SLIT2: variants seen among roughly 807,000 people sequenced by gnomAD.
SLIT2 encodes slit homolog 2 protein.
A neutral mutation model predicts 185.7 loss-of-function variants in SLIT2; 41 were observed. The ratio of observed to expected loss-of-function variants is 0.22; its 90% CI spans 0.17 to 0.29. The LOEUF is 0.29. Ranked by LOEUF, SLIT2 falls within the 10% of genes least tolerant of loss-of-function variation. The pLI, the probability that SLIT2 is intolerant of heterozygous loss-of-function variation, is 1.00. For synonymous variants in SLIT2, 693 were observed against 680.2 expected (o/e 1.02, Z -0.29); for missense variants, 1,571 against 1,909.0 (o/e 0.82, Z 3.30).
chr4:20,399,252 A>G (rs1224509286), intron 4 of SLIT2, among the ~76,000 whole-genome samples: 1 of 151,746 alleles, frequency 6.6e-6, no homozygotes, highest in Non-Finnish European at 1.5e-5. Flanking sequence ...TCACAATTAT[A>G]ATTTATATAA....
intron 33 of SLIT2, among the ~76,000 whole-genome samples, chr4:20,602,218 A>G (rs1728465767): frequency 6.6e-6 from 1 of 152,190 alleles, no homozygotes; most frequent in Non-Finnish European, 1.5e-5. Context: ...AAGGGGAAAC[A>G]TTTTTTACAA....
intron 9 of SLIT2, among the ~76,000 whole-genome samples, chr4:20,499,335 G>A (rs1316588339): frequency 6.6e-6 from 1 of 151,964 alleles, no homozygotes; most frequent in Non-Finnish European, 1.5e-5. Flanking sequence ...GTCTTTTTCT[G>A]TTCATTTCTG....
chr4:20,434,719 G>T lies in SLIT2; in HGVS notation c.396-33033G>T, dbSNP rs550933218. Among the ~76,000 whole-genome samples, 71 of 152,230 alleles carry T rather than the reference G, an allele frequency of 4.7e-4. 3 individuals are homozygous for T. Among genetic ancestry groups the T allele is most frequent in the African/African-American group, 1.6e-3 (66 of 41,546 alleles). On this transcript the variant is annotated intron_variant, in intron 4 of 36. Coordinates refer to ENST00000504154, the MANE Select transcript of SLIT2 (RefSeq NM_004787.4). ...AACGTAGGTAGATGTTTTAATTGGGGGCTGAACCATAGAGATTTGAAGAAA... is the reference window on the plus strand; with the variant it reads ...AACGTAGGTAGATGTTTTAATTGGGTGCTGAACCATAGAGATTTGAAGAAA...
chr4:20,535,857 C>T (rs1229288993), intron 18 of SLIT2, among the ~76,000 whole-genome samples: 1 of 131,316 alleles, frequency 7.6e-6, no homozygotes, highest in African/African-American at 2.7e-5. Context: ...TCCCTCTTTC[C>T]AAATATACGT....
At chr4:20,599,213 C>A (rs1476938204) in intron 33 of SLIT2, among the ~76,000 whole-genome samples, 2 of 152,168 alleles carry the variant, frequency 1.3e-5, no homozygotes, top group Non-Finnish European at 2.9e-5. Context: ...TAATAATATA[C>A]TGGAGACGTG....
At chr4:20,495,804 A>G (rs747828711) in intron 9 of SLIT2, among the ~76,000 whole-genome samples, 115 of 152,140 alleles carry the variant, frequency 7.6e-4, no homozygotes, top group Non-Finnish European at 1.5e-3. Flanking sequence ...ACTCAACAAG[A>G]TAATTCCATT....
chr4:20,460,893 C>A lies in SLIT2; in HGVS notation c.396-6859C>A, dbSNP rs549061345. ...CACCTTAAGAGTTCAAAAGAGGGAA[C>A]AAGGGACTCCCCAATAATGAAAATA... On this transcript the variant is annotated intron_variant, in intron 4 of 36. Transcript: ENST00000504154. Among the ~76,000 whole-genome samples the A allele has an allele frequency of 4.6e-5, 7 of 152,274 alleles. No individual in the cohort carries two copies. In the East Asian group the frequency reaches 1.2e-3, roughly 25 times the overall value.
chr4:20,580,014 A>G (rs1171654882), intron 29 of SLIT2, among the ~76,000 whole-genome samples: 1 of 143,872 alleles, frequency 7.0e-6, no homozygotes, highest in African/African-American at 2.5e-5. Flanking sequence ...CATATATAAT[A>G]TATTATTATA....
chr4:20,274,210 G>T (rs1055183453), intron 4 of SLIT2, among the ~76,000 whole-genome samples: 15 of 152,184 alleles, frequency 9.9e-5, no homozygotes, highest in African/African-American at 2.9e-4. Context: ...TTCACTTTCA[G>T]TGATTAAAAC....
At chr4:20,501,576 A>G (rs1718742917) in intron 9 of SLIT2, among the ~76,000 whole-genome samples, 2 of 152,132 alleles carry the variant, frequency 1.3e-5, no homozygotes, top group South Asian at 2.1e-4. Context: ...GACTCACCAC[A>G]CCCGGCAGAT....
In SLIT2 at chr4:20,484,914, T is replaced by C. The variant is rs1325703739; in HGVS notation, c.540-1286T>C. Among the ~76,000 whole-genome samples, 1 of 152,144 alleles carries C rather than the reference T, an allele frequency of 6.6e-6. No individual in the cohort carries two copies. The highest frequency in any genetic ancestry group is 1.5e-5 in the Non-Finnish European group (1 of 68,012). On this transcript the variant is annotated intron_variant, in intron 6 of 36. Coordinates refer to ENST00000504154, the MANE Select transcript of SLIT2 (RefSeq NM_004787.4). The surrounding 1 kb of genome is among the most constrained non-coding windows in gnomAD (Gnocchi z 4.3). ...AAATGTCTGCTTTCTTCCATCTCTC[T>C]TGCCCATCATTGTATATTTTTGCAC...
At chr4:20,424,997 T>C (rs2109477920) in intron 4 of SLIT2, among the ~76,000 whole-genome samples, 1 of 152,264 alleles carries the variant, frequency 6.6e-6, no homozygotes, top group South Asian at 2.1e-4. Flanking sequence ...AGGCATAATT[T>C]GTCTCATGAA....
At chr4:20,524,577 G>A (rs923955940) in intron 14 of SLIT2, among the ~76,000 whole-genome samples, 4 of 152,132 alleles carry the variant, frequency 2.6e-5, no homozygotes, top group African/African-American at 4.8e-5. Flanking sequence ...TTGAGACTTG[G>A]TTACATGATT....
At chr4:20,340,538 A>G (rs1356394863) in intron 4 of SLIT2, among the ~76,000 whole-genome samples, 1 of 152,146 alleles carries the variant, frequency 6.6e-6, no homozygotes, top group Non-Finnish European at 1.5e-5. Flanking sequence ...ACCTGCCCTC[A>G]TAGAGTTTAA....
chr4:20,407,972 C>A (rs1035505196), intron 4 of SLIT2, among the ~76,000 whole-genome samples: 1 of 152,090 alleles, frequency 6.6e-6, no homozygotes, highest in Non-Finnish European at 1.5e-5. Context: ...TCTTTTCAAG[C>A]AGATGCTGTG....
rs533889887 is a variant in SLIT2 at position 20,520,780 on chromosome 4, T to A, written c.1130+1327T>A. ...TATGTAGTGCTCTCTTTTCTGTTCATCCCCACCCCAATTCTCTCTTTATTT... is the reference window on the plus strand; with the variant it reads ...TATGTAGTGCTCTCTTTTCTGTTCAACCCCACCCCAATTCTCTCTTTATTT... On this transcript the variant is annotated intron_variant, in intron 12 of 36. Coordinates refer to ENST00000504154, the MANE Select transcript of SLIT2 (RefSeq NM_004787.4). Among the ~76,000 whole-genome samples the A allele has an allele frequency of 2.0e-5, 3 of 152,218 alleles. No individual in the cohort carries two copies. The East Asian group carries it at 5.8e-4, about 29-fold the overall frequency.
chr4:20,277,626 G>GTAGTTA (rs1714294926), intron 4 of SLIT2, among the ~76,000 whole-genome samples: 2 of 151,106 alleles, frequency 1.3e-5, no homozygotes, highest in East Asian at 3.9e-4. Context: ...TTTAGAATCT[G>GTAGTTA]CCTCAATGTA....
rs1721503655 is a variant in SLIT2, at chr4:20,528,559, T to A, written c.1463-390T>A. 6.6e-6 allele frequency among the ~76,000 whole-genome samples: 1 copy of A among 152,180 alleles called. No homozygotes were observed. The highest frequency in any genetic ancestry group is 1.5e-5 in the Non-Finnish European group (1 of 68,032). On this transcript the variant is annotated intron_variant, in intron 15 of 36. Coordinates refer to ENST00000504154, the MANE Select transcript of SLIT2 (RefSeq NM_004787.4). The surrounding 1 kb of genome is among the most constrained non-coding windows in gnomAD (Gnocchi z 4.2). ...TATCTATTTGCCTTGAAAGCCCTAA[T>A]TTACAATGAGATATAGGATCATGTT...
intron 4 of SLIT2, among the ~76,000 whole-genome samples, chr4:20,365,896 G>A (rs1409684968): frequency 6.6e-6 from 1 of 152,060 alleles, no homozygotes; most frequent in African/African-American, 2.4e-5. Flanking sequence ...CATAATAAAA[G>A]GCAAAATGAC....
Sources: gnomAD v4.1 joint callset for allele counts (sites outside exome capture counted in the v4.1 genomes callset) on GRCh38, gnomAD v4.1.1 for gene constraint, Gnocchi (gnomAD v3.1) non-coding constraint, MANE v1.5 for transcripts, NCBI Gene and HGNC (gene_info 2026-07-23, HGNC 2026-07-21) for gene names.